The following RYR2 variants were observed in gnomAD, a reference collection of about 807,000 sequenced individuals.
The protein encoded by RYR2 is cardiac muscle ryanodine receptor-calcium release channel.
RYR2 carries 227 observed loss-of-function variants against 601.1 expected under a neutral mutation model. The observed-to-expected ratio is 0.38, with a 90% CI of 0.34 to 0.42. The LOEUF (loss-of-function observed/expected upper bound fraction) is 0.42. Among genes scored for constraint, RYR2 ranks in the 10% least tolerant of loss-of-function variants. RYR2 has a pLI of 1.00. For missense variants in RYR2, 4,646 were observed against 6,156.5 expected, an observed-to-expected ratio of 0.75 and a Z score of 8.21; for synonymous variants, 2,223 against 2,175.1, an observed-to-expected ratio of 1.02 and a Z score of -0.61.
chr1:237,222,412 CAAAA>C, intron 1 of RYR2, among the ~76,000 whole-genome samples: 1 of 136,694 alleles, frequency 7.3e-6, no homozygotes. Flanking sequence ...GACTCCATCT[CAAAA>C]AAAAAAAAAG....
At chr1:237,595,327 G>A (rs1374000599) in intron 33 of RYR2, among the ~76,000 whole-genome samples, 171 bp from the exon 34 acceptor site, 3 of 152,162 alleles carry the variant, frequency 2.0e-5, no homozygotes, top group East Asian at 1.9e-4. Flanking sequence ...AACGTCCACT[G>A]CAGTCAATGG....
intron 62 of RYR2, among the ~76,000 whole-genome samples, chr1:237,683,417 G>T (rs1031685309): frequency 2.6e-5 from 4 of 152,204 alleles, no homozygotes; most frequent in African/African-American, 9.7e-5. Flanking sequence ...TAGCCCTAGT[G>T]AAAGCCAGGC....
In RYR2 at chr1:237,708,986, G is replaced by C; in HGVS notation, c.10030G>C (p.Ala3344Pro). The change falls in exon 69 of 105, where the codon GCC becomes CCC. Residue 3344 changes from alanine to proline, a missense_variant. Physicochemically the swap from Ala to Pro is conservative, Grantham distance 27. This residue lies in a region of RYR2 where 1,497 missense variants were observed against 1,842.6 expected (regional missense o/e 0.81). Transcript: ENST00000366574. ...TGAGGAAGACCACCTGAAAGCTGAG[G>C]CCAGGGGGGACATGTCGGAGGCAGA... ...VSEEDHLKAE[A>P]RGDMSEAELL... 6.2e-7 allele frequency: 1 copy of C among 1,613,776 alleles called. No homozygotes were observed. The highest frequency in any genetic ancestry group is 8.5e-7 in the Non-Finnish European group (1 of 1,179,776).
intron 1 of RYR2, among the ~76,000 whole-genome samples, chr1:237,237,926 CCCTTTCCCCTTT>C (rs1553357478): frequency 3.5e-5 from 2 of 56,398 alleles, no homozygotes; most frequent in African/African-American, 9.1e-5. Context: ...TTTTCCCTTT[CCCTTTCCCCTTT>C]CCTTTCCCCT....
At chr1:237,190,920 G>T (rs983819061) in intron 1 of RYR2, among the ~76,000 whole-genome samples, 1 of 152,150 alleles carries the variant, frequency 6.6e-6, no homozygotes, top group African/African-American at 2.4e-5. Context: ...TTTTAAGTTT[G>T]ATGTAGTCCC....
At chr1:237,655,646 T>C (rs1683171523) in intron 52 of RYR2, among the ~76,000 whole-genome samples, 175 bp from the exon 53 acceptor site, 1 of 152,212 alleles carries the variant, frequency 6.6e-6, no homozygotes, top group South Asian at 2.1e-4. Context: ...GCTTCTTTTC[T>C]GTTTGATGGG....
intron 76 of RYR2, among the ~76,000 whole-genome samples, chr1:237,730,022 G>T (rs1033653920): frequency 6.6e-6 from 1 of 152,124 alleles, no homozygotes; most frequent in African/African-American, 2.4e-5. Flanking sequence ...TGGGAAAGTC[G>T]AGTCACTTGA....
intron 1 of RYR2, among the ~76,000 whole-genome samples, chr1:237,245,863 C>T (rs999998919): frequency 5.3e-5 from 8 of 152,006 alleles, no homozygotes; most frequent in African/African-American, 1.9e-4. Context: ...CTCATTGTAA[C>T]CTCTGCCTCC....
At chr1:237,742,419 A>G in intron 80 of RYR2, 70 bp downstream of exon 80, 1 of 1,128,054 alleles carries the variant, frequency 8.9e-7, no homozygotes. Context: ...TATAACTGAC[A>G]TTTATGTTTC....
At chr1:237,112,571 C>CAAA (rs11419585) in intron 1 of RYR2, among the ~76,000 whole-genome samples, 2,346 of 137,146 alleles carry the variant, frequency 0.017, 55 homozygotes, top group African/African-American at 0.057. Flanking sequence ...GCTACAACAT[C>CAAA]AAAAAAAAAA....
At chr1:237,451,532 G>A (rs1440852040) in intron 14 of RYR2, among the ~76,000 whole-genome samples, 2 of 143,158 alleles carry the variant, frequency 1.4e-5, no homozygotes, top group Non-Finnish European at 3.0e-5. Context: ...AGTGAGCCAA[G>A]ATCATACCAC....
intron 17 of RYR2, among the ~76,000 whole-genome samples, chr1:237,489,771 A>G (rs936308051): frequency 8.5e-5 from 13 of 152,226 alleles, no homozygotes; most frequent in Admixed American, 6.5e-5. Context: ...TTGACCCAGG[A>G]AGCCTATTAC....
intron 14 of RYR2, among the ~76,000 whole-genome samples, chr1:237,449,456 G>T (rs1657798592): frequency 1.3e-5 from 2 of 152,030 alleles, no homozygotes; most frequent in South Asian, 4.1e-4. Context: ...TACATTTATA[G>T]ATGTTATTAA....
chr1:237,130,896 C>T (rs1672097324), intron 1 of RYR2, among the ~76,000 whole-genome samples: 1 of 152,038 alleles, frequency 6.6e-6, no homozygotes, highest in Non-Finnish European at 1.5e-5. Flanking sequence ...TGTTCCCTGG[C>T]AGATGGGAAA....
intron 14 of RYR2, among the ~76,000 whole-genome samples, chr1:237,449,796 TTGA>T (rs1035138270): frequency 2.6e-5 from 4 of 152,066 alleles, no homozygotes; most frequent in African/African-American, 9.7e-5. Context: ...TTACTCCCTA[TTGA>T]TGATTGTATT....
rs13374304 is a variant in RYR2, at chr1:237,496,229, T to C, written c.1962-282T>C. Among the ~76,000 whole-genome samples the C allele has an allele frequency of 0.077, 11,757 of 152,090 alleles. 1,367 individuals are homozygous for C. The highest frequency in any genetic ancestry group is 0.25 in the African/African-American group (10,398 of 41,454). On this transcript the variant is annotated intron_variant, in intron 19 of 104. Coordinates refer to ENST00000366574, the MANE Select transcript of RYR2 (RefSeq NM_001035.3). ...TACCATCCTGGGCAACATAGCAAGATCTCATCTCTACTAAAAATAAAAAAG... is the reference window on the plus strand; with the variant it reads ...TACCATCCTGGGCAACATAGCAAGACCTCATCTCTACTAAAAATAAAAAAG...
chr1:237,102,653 C>T (rs995953449), intron 1 of RYR2, among the ~76,000 whole-genome samples: 4 of 151,812 alleles, frequency 2.6e-5, no homozygotes, highest in African/African-American at 4.8e-5. Context: ...GTCAGGAGTT[C>T]GAGACCAGCC....
chr1:237,766,866 G>T (rs2149297457), intron 84 of RYR2, among the ~76,000 whole-genome samples: 1 of 152,284 alleles, frequency 6.6e-6, no homozygotes, highest in Non-Finnish European at 1.5e-5. Context: ...ATCGGAAATA[G>T]GAATGCATTG....
At chr1:237,084,846 G>A (rs1489791364) in intron 1 of RYR2, among the ~76,000 whole-genome samples, 1 of 152,242 alleles carries the variant, frequency 6.6e-6, no homozygotes, top group African/African-American at 2.4e-5. Flanking sequence ...TGCCCATGCA[G>A]GAAGCATGAA....
Sources: allele counts gnomAD v4.1 joint callset (sites outside exome capture counted in the v4.1 genomes callset), GRCh38; gene constraint gnomAD v4.1.1; regional missense constraint gnomAD v4.1.1; transcripts MANE v1.5; gene names NCBI Gene and HGNC (gene_info 2026-07-23, HGNC 2026-07-21).